NTRK3: variants seen among roughly 807,000 people sequenced by gnomAD.
NTRK3 encodes the protein neurotrophic receptor tyrosine kinase 3.
Under a neutral mutation model 91.7 loss-of-function variants are expected in NTRK3, and 24 were observed. That is an observed-to-expected ratio of 0.26 (90% CI 0.19 to 0.37). The LOEUF (loss-of-function observed/expected upper bound fraction) is 0.37. NTRK3 is among the 10% of genes least tolerant of loss of function. The pLI, the probability that NTRK3 is intolerant of heterozygous loss-of-function variation, is 1.00. For missense variants in NTRK3, 880 were observed against 1,068.9 expected, an observed-to-expected ratio of 0.82 and a Z score of 2.46; for synonymous variants, 483 against 404.0, an observed-to-expected ratio of 1.20 and a Z score of -2.34.
rs2051505088 is a variant in NTRK3, at chr15:88,234,509, T to G, written c.248+21397A>C. On this transcript the variant is annotated intron_variant, in intron 3 of 18. Transcript: ENST00000394480. The surrounding 1 kb of genome is among the most constrained non-coding windows in gnomAD (Gnocchi z 6.1). ...GACACCATTGCTTCAGGGGCCCTCCTCACGCTGCTCCCTCCTCTAGACTAG... is the reference window on the plus strand; with the variant it reads ...GACACCATTGCTTCAGGGGCCCTCCGCACGCTGCTCCCTCCTCTAGACTAG... Among the ~76,000 whole-genome samples, 1 of 152,154 alleles carries G rather than the reference T, an allele frequency of 6.6e-6. No homozygotes were observed. Among genetic ancestry groups the G allele is most frequent in the African/African-American group, 2.4e-5 (1 of 41,448 alleles).
intron 13 of NTRK3, among the ~76,000 whole-genome samples, chr15:88,083,644 C>T (rs2048251683): frequency 6.6e-6 from 1 of 152,202 alleles, no homozygotes; most frequent in African/African-American, 2.4e-5. Context: ...TAATATCTCA[C>T]ATGTCATTGT....
chr15:87,894,799 C>G (rs537206380), intron 17 of NTRK3, among the ~76,000 whole-genome samples: 2 of 152,308 alleles, frequency 1.3e-5, no homozygotes, highest in South Asian at 4.1e-4. Context: ...AAACTCTCCC[C>G]TAGTTCCTAC....
At chr15:88,135,065 A>G (rs773661807) in intron 10 of NTRK3, 36 bp downstream of exon 10, 1 of 1,612,574 alleles carries the variant, frequency 6.2e-7, no homozygotes, top group East Asian at 2.2e-5. Context: ...TGTAGAAAGA[A>G]TCCATACACC....
chr15:88,041,257 T>C (rs1451200252), intron 13 of NTRK3, among the ~76,000 whole-genome samples: 1 of 152,114 alleles, frequency 6.6e-6, no homozygotes, highest in African/African-American at 2.4e-5. Flanking sequence ...AATTGTACAA[T>C]TCCAACTCCA....
At chr15:88,025,299 C>A (rs1361062710) in intron 14 of NTRK3, among the ~76,000 whole-genome samples, 2 of 152,220 alleles carry the variant, frequency 1.3e-5, no homozygotes, top group East Asian at 3.8e-4. Context: ...CTTATTTCCA[C>A]ACAAAACCTG....
intron 14 of NTRK3, among the ~76,000 whole-genome samples, chr15:87,988,346 G>C (rs1245061578): frequency 6.6e-6 from 1 of 152,180 alleles, no homozygotes; most frequent in Non-Finnish European, 1.5e-5. Flanking sequence ...TAAATGTAAA[G>C]TGGTGTTCTG....
chr15:87,878,115 C>T (rs184079181), intron 18 of NTRK3, among the ~76,000 whole-genome samples: 158 of 152,334 alleles, frequency 1.0e-3, no homozygotes, highest in African/African-American at 3.7e-3. Flanking sequence ...TTCTCCCTAA[C>T]TCTACCACTG....
chr15:88,203,657 T>C (rs1017504810), intron 3 of NTRK3, among the ~76,000 whole-genome samples: 5 of 152,298 alleles, frequency 3.3e-5, no homozygotes, highest in Admixed American at 1.3e-4. Flanking sequence ...TTCACATTAA[T>C]CTATTGTACA....
intron 14 of NTRK3, among the ~76,000 whole-genome samples, chr15:88,001,531 G>A (rs912347208): frequency 6.6e-6 from 1 of 152,070 alleles, no homozygotes; most frequent in Non-Finnish European, 1.5e-5. Context: ...ATGTGGTAGG[G>A]GTTCCAAGTT....
At chr15:88,090,642 A>G (rs1335790297) in intron 13 of NTRK3, among the ~76,000 whole-genome samples, 1 of 152,116 alleles carries the variant, frequency 6.6e-6, no homozygotes, top group Non-Finnish European at 1.5e-5. Flanking sequence ...TGTCAAACAG[A>G]TAACAAGTTC....
At chr15:88,187,849 G>A (rs992274163) in intron 3 of NTRK3, among the ~76,000 whole-genome samples, 59 of 151,334 alleles carry the variant, frequency 3.9e-4, no homozygotes, top group African/African-American at 8.5e-4. Context: ...CAGGAGAATC[G>A]CTTGAATCTG....
Position 88,062,462 on chromosome 15 carries a change from G to C in NTRK3, c.1397-29417C>G, listed in dbSNP as rs369779870. 6.6e-5 allele frequency among the ~76,000 whole-genome samples: 10 copies of C among 152,112 alleles called. No individual in the cohort carries two copies. The East Asian group carries it at 9.6e-4, about 15-fold the overall frequency. ...AGAAGTCTTGGCTAGTAATTCCTAG[G>C]AAGTCTCCCTAAATAGGATGAAGTA... is the stretch of plus-strand genomic sequence containing the variant. On this transcript the variant is annotated intron_variant, in intron 13 of 18. Coordinates refer to ENST00000394480, the Ensembl canonical transcript of NTRK3.
intron 13 of NTRK3, among the ~76,000 whole-genome samples, chr15:88,119,474 A>C (rs1393646052): frequency 1.3e-5 from 2 of 152,220 alleles, no homozygotes; most frequent in South Asian, 2.1e-4. Flanking sequence ...AGGTCTGTCA[A>C]ATGTCAGAAA....
chr15:87,961,405 A>C (rs552484486), intron 14 of NTRK3, among the ~76,000 whole-genome samples: 1 of 152,386 alleles, frequency 6.6e-6, no homozygotes, highest in African/African-American at 2.4e-5. Flanking sequence ...AGATTTCCAA[A>C]GAATCTGGAG....
intron 13 of NTRK3, among the ~76,000 whole-genome samples, chr15:88,094,475 C>CAAA (rs10610101): frequency 7.6e-4 from 23 of 30,318 alleles, no homozygotes; most frequent in African/African-American, 1.8e-3. Context: ...GACTCCGTCT[C>CAAA]AAAAAAAAAA....
chr15:88,070,812 A>C (rs2047030134), intron 13 of NTRK3, among the ~76,000 whole-genome samples: 1 of 152,130 alleles, frequency 6.6e-6, no homozygotes, highest in South Asian at 2.1e-4. Context: ...GATGTTCTTG[A>C]CAACAAGGGG....
At chr15:88,013,671 GACA>G (rs1185467376) in intron 14 of NTRK3, among the ~76,000 whole-genome samples, 1 of 152,214 alleles carries the variant, frequency 6.6e-6, no homozygotes, top group Non-Finnish European at 1.5e-5. Flanking sequence ...TTCAAGTGCA[GACA>G]ACATTTCAGA....
chr15:88,203,597 G>A (rs893710066), intron 3 of NTRK3, among the ~76,000 whole-genome samples: 2 of 152,208 alleles, frequency 1.3e-5, no homozygotes, highest in African/African-American at 4.8e-5. Flanking sequence ...TATACAGTTA[G>A]ATGGAAGAAA....
chr15:88,092,877 C>T (rs1213562663), intron 13 of NTRK3, among the ~76,000 whole-genome samples: 1 of 152,172 alleles, frequency 6.6e-6, no homozygotes, highest in Non-Finnish European at 1.5e-5. Flanking sequence ...CTCTCCCTTA[C>T]AAAAATGCAC....
Sources: allele counts gnomAD v4.1 joint callset (sites outside exome capture counted in the v4.1 genomes callset), GRCh38; gene constraint gnomAD v4.1.1; non-coding constraint Gnocchi (gnomAD v3.1); transcripts MANE v1.5; gene names NCBI Gene and HGNC (gene_info 2026-07-23, HGNC 2026-07-21).